TNFAIP8: variants seen among roughly 807,000 people sequenced by gnomAD.
TNFAIP8 encodes the protein tumor necrosis factor alpha-induced protein 8.
Under a neutral mutation model 13.3 loss-of-function variants are expected in TNFAIP8, and 7 were observed. The ratio of observed to expected loss-of-function variants is 0.52; its 90% CI spans 0.30 to 0.99. The LOEUF is 0.99. Among genes scored for constraint, TNFAIP8 ranks in the 50% least tolerant of loss-of-function variants. TNFAIP8 has a pLI of 0.07. For missense variants in TNFAIP8, 258 were observed against 236.9 expected, an observed-to-expected ratio of 1.09 and a Z score of -0.58; for synonymous variants, 94 against 87.6, an observed-to-expected ratio of 1.07 and a Z score of -0.41.
intron 1 of TNFAIP8, among the ~76,000 whole-genome samples, chr5:119,375,593 A>G (rs111790055): frequency 6.6e-5 from 10 of 152,324 alleles, no homozygotes; most frequent in South Asian, 2.1e-4. Flanking sequence ...GAACGACTAT[A>G]ATGATCTTTT....
chr5:119,354,321 C>T (rs1329761164), upstream of TNFAIP8: 1 of 152,174 alleles, frequency 6.6e-6, no homozygotes, highest in Non-Finnish European at 1.5e-5. Context: ...TGTTTCTCCT[C>T]TTCTCCCTTC....
At chr5:119,309,599 C>A (rs1157295111) in intron 1 of TNFAIP8, among the ~76,000 whole-genome samples, 2 of 152,126 alleles carry the variant, frequency 1.3e-5, no homozygotes. Flanking sequence ...GGCAGAAGAG[C>A]AGGGTGGGTA....
intron 1 of TNFAIP8, among the ~76,000 whole-genome samples, chr5:119,325,693 C>T (rs752963073): frequency 8.5e-5 from 13 of 152,134 alleles, no homozygotes; most frequent in Admixed American, 5.2e-4. Flanking sequence ...CGTGATCCGC[C>T]GGCCTCGGCC....
In TNFAIP8 at chr5:119,340,998, G is replaced by C. The variant is rs1750717348; in HGVS notation, c.2-51818G>C. On this transcript the variant is annotated intron_variant, in intron 1 of 1. Transcript: ENST00000274456. ...ACATGAAGGAAGCTCAGTGACTCCT[G>C]GCAGGTACTTCTGTTATAAAGCGGT... is the stretch of plus-strand genomic sequence containing the variant. 2.6e-5 allele frequency among the ~76,000 whole-genome samples: 4 copies of C among 152,018 alleles called. No homozygotes were observed. The South Asian group carries it at 8.3e-4, about 31-fold the overall frequency.
chr5:119,379,003 C>G (rs1580440839), intron 1 of TNFAIP8, among the ~76,000 whole-genome samples: 1 of 152,068 alleles, frequency 6.6e-6, no homozygotes, highest in African/African-American at 2.4e-5. Context: ...TTCAAGGTTG[C>G]AGTAAGTTAT....
At chr5:119,309,962 A>G (rs1203289806) in intron 1 of TNFAIP8, among the ~76,000 whole-genome samples, 1 of 152,228 alleles carries the variant, frequency 6.6e-6, no homozygotes, top group Non-Finnish European at 1.5e-5. Context: ...AAAACCAGAC[A>G]CACAGGACTG....
chr5:119,317,374 G>T (rs1343493432), intron 1 of TNFAIP8, among the ~76,000 whole-genome samples: 1 of 152,014 alleles, frequency 6.6e-6, no homozygotes, highest in Non-Finnish European at 1.5e-5. Flanking sequence ...CCATTTGAAA[G>T]TGATTATATA....
At chr5:119,275,019 T>TTC (rs1554167027) in intron 1 of TNFAIP8, among the ~76,000 whole-genome samples, 1 of 151,690 alleles carries the variant, frequency 6.6e-6, no homozygotes, top group African/African-American at 2.4e-5. Flanking sequence ...TTTAATTTTT[T>TTC]TTTTTTTTTT....
rs73790817 is a variant in TNFAIP8, at chr5:119,344,581, T to C, written c.2-48235T>C. On this transcript the variant is annotated intron_variant, in intron 1 of 1. Transcript: ENST00000274456. ...GCAGCCAATTCTTGTGTGGCAGGTA[T>C]GAATTAACATATTTCTAGCCTCAGT... is the stretch of plus-strand genomic sequence containing the variant. 1.9e-3 allele frequency among the ~76,000 whole-genome samples: 285 copies of C among 152,274 alleles called. 1 individual carries two copies. The highest frequency in any genetic ancestry group is 6.7e-3 in the African/African-American group (280 of 41,550).
At chr5:119,337,267 G>C (rs1296695785) in intron 1 of TNFAIP8, among the ~76,000 whole-genome samples, 2 of 152,148 alleles carry the variant, frequency 1.3e-5, no homozygotes, top group Non-Finnish European at 2.9e-5. Context: ...TGTTTGTATA[G>C]CACTATTTCT....
intron 1 of TNFAIP8, among the ~76,000 whole-genome samples, chr5:119,371,226 A>G (rs1354904632): frequency 6.6e-6 from 1 of 152,194 alleles, no homozygotes; most frequent in East Asian, 1.9e-4. Flanking sequence ...CCTGCATTGG[A>G]CTGTGCGTGG....
intron 1 of TNFAIP8, among the ~76,000 whole-genome samples, chr5:119,322,594 C>G (rs936326368): frequency 3.3e-5 from 5 of 152,216 alleles, no homozygotes; most frequent in Admixed American, 6.5e-5. Flanking sequence ...CATGCTGCTC[C>G]CATTTCTGTA....
intron 1 of TNFAIP8, among the ~76,000 whole-genome samples, chr5:119,283,200 G>T (rs1236603922): frequency 6.6e-6 from 1 of 152,226 alleles, no homozygotes; most frequent in Non-Finnish European, 1.5e-5. Flanking sequence ...ACCCTGTTAG[G>T]TCCTGGCCTG....
At chr5:119,389,172 A>G (rs935290100) in intron 1 of TNFAIP8, among the ~76,000 whole-genome samples, 2 of 152,178 alleles carry the variant, frequency 1.3e-5, no homozygotes, top group African/African-American at 4.8e-5. Context: ...GTTGGAAGGG[A>G]TGCTATTAAT....
intron 1 of TNFAIP8, among the ~76,000 whole-genome samples, chr5:119,348,835 G>T (rs1348029774): frequency 7.3e-6 from 1 of 137,752 alleles, no homozygotes; most frequent in East Asian, 2.6e-4. Flanking sequence ...AGCTGAGATT[G>T]CACCACTGCA....
chr5:119,345,784 T>C (rs1311702806), intron 1 of TNFAIP8, among the ~76,000 whole-genome samples: 1 of 152,132 alleles, frequency 6.6e-6, no homozygotes, highest in Non-Finnish European at 1.5e-5. Flanking sequence ...AGATGGATAG[T>C]GGTGATGATT....
At chr5:119,326,633 G>C (rs1335819550) in intron 1 of TNFAIP8, among the ~76,000 whole-genome samples, 2 of 152,230 alleles carry the variant, frequency 1.3e-5, no homozygotes. Flanking sequence ...ACATGGCAGT[G>C]TTAAGGGTGA....
At chr5:119,330,398 G>T (rs1378259594) in intron 1 of TNFAIP8, among the ~76,000 whole-genome samples, 1 of 152,166 alleles carries the variant, frequency 6.6e-6, no homozygotes, top group Non-Finnish European at 1.5e-5. Context: ...TTTGTTGAAT[G>T]TGCTTCTGAT....
At chr5:119,271,603 G>A (rs1183815521) in intron 1 of TNFAIP8, among the ~76,000 whole-genome samples, 1 of 152,154 alleles carries the variant, frequency 6.6e-6, no homozygotes, top group Non-Finnish European at 1.5e-5. Context: ...TTTCACAGAG[G>A]GGAAGGGCAT....
Sources: allele counts gnomAD v4.1 joint callset (sites outside exome capture counted in the v4.1 genomes callset), GRCh38; gene constraint gnomAD v4.1.1; transcripts MANE v1.5; gene names NCBI Gene and HGNC (gene_info 2026-07-23, HGNC 2026-07-21).